Variants in B3GALT1 observed in about 807,000 individuals in gnomAD.
B3GALT1 encodes the protein UDP-Gal:betaGlcNAc beta 1,3-galactosyltransferase, polypeptide 1.
Under a neutral mutation model 23.2 loss-of-function variants are expected in B3GALT1, and 10 were observed. The ratio of observed to expected loss-of-function variants is 0.43; its 90% CI spans 0.27 to 0.73. The LOEUF (loss-of-function observed/expected upper bound fraction) is 0.73, where lower values mean the gene tolerates loss of function less well. Ranked by LOEUF, B3GALT1 falls within the 30% of genes least tolerant of loss-of-function variation. The probability of loss-of-function intolerance (pLI) is 0.21; values close to 1 mark genes in which losing one functional copy is unlikely to be tolerated. For synonymous variants in B3GALT1, 156 were observed against 141.5 expected (o/e 1.10, Z -0.73); for missense variants, 299 against 405.4 (o/e 0.74, Z 2.25).
intron 3 of B3GALT1, among the ~76,000 whole-genome samples, chr2:167,670,673 T>C (rs1686308850): frequency 6.6e-6 from 1 of 151,994 alleles, no homozygotes; most frequent in African/African-American, 2.4e-5. Flanking sequence ...GAAAACAGTA[T>C]ACAAATAAAA....
chr2:167,356,411 A>G (rs546745305), intron 1 of B3GALT1, among the ~76,000 whole-genome samples: 49 of 152,332 alleles, frequency 3.2e-4, no homozygotes, highest in African/African-American at 1.0e-3. Context: ...AAACTGTAGC[A>G]TAAAGCATGC....
intron 2 of B3GALT1, among the ~76,000 whole-genome samples, chr2:167,638,095 G>A (rs1574183210): frequency 6.6e-6 from 1 of 151,942 alleles, no homozygotes; most frequent in African/African-American, 2.4e-5. Context: ...CCAATAAGTG[G>A]CATATTTGAA....
intron 3 of B3GALT1, among the ~76,000 whole-genome samples, chr2:167,673,653 T>C (rs1005440714): frequency 7.9e-5 from 12 of 151,970 alleles, no homozygotes; most frequent in African/African-American, 2.9e-4. Flanking sequence ...AATCCTTATA[T>C]TGAGAACCCA....
At chr2:167,407,919 A>G (rs923495904) in intron 1 of B3GALT1, among the ~76,000 whole-genome samples, 4 of 152,052 alleles carry the variant, frequency 2.6e-5, no homozygotes, top group African/African-American at 4.8e-5. Context: ...ACTAATGCCA[A>G]TCCTACTCAA....
chr2:167,836,278 A>C (rs1219802709), intron 4 of B3GALT1, among the ~76,000 whole-genome samples: 2 of 152,168 alleles, frequency 1.3e-5, no homozygotes, highest in Non-Finnish European at 2.9e-5. Flanking sequence ...AAAAACTTTG[A>C]AAAAAATTTA....
chr2:167,416,662 T>A (rs1698475822), intron 1 of B3GALT1, among the ~76,000 whole-genome samples: 1 of 152,140 alleles, frequency 6.6e-6, no homozygotes, highest in Non-Finnish European at 1.5e-5. Flanking sequence ...AACATCTGCC[T>A]GGGAAAGCTT....
intron 2 of B3GALT1, among the ~76,000 whole-genome samples, chr2:167,582,704 G>A (rs1400716635): frequency 6.6e-6 from 1 of 152,148 alleles, no homozygotes; most frequent in East Asian, 1.9e-4. Context: ...GCCCCTTGCT[G>A]GTCCCTGAGT....
rs538535798 is a variant in B3GALT1, at chr2:167,723,492, A to G, written c.-352+76526A>G. On this transcript the variant is annotated intron_variant, in intron 3 of 4. Coordinates refer to ENST00000392690, the MANE Select transcript of B3GALT1 (RefSeq NM_020981.4). ...TAATTCATTTAAATATTTTATTTGA[A>G]CATATTACCATTCTCAATTTATTTT... 4.6e-5 allele frequency among the ~76,000 whole-genome samples: 7 copies of G among 152,112 alleles called. No individual in the cohort carries two copies. The South Asian group carries it at 1.2e-3, about 27-fold the overall frequency.
intron 2 of B3GALT1, among the ~76,000 whole-genome samples, chr2:167,538,066 A>C (rs1268379797): frequency 6.6e-6 from 1 of 151,930 alleles, no homozygotes; most frequent in Non-Finnish European, 1.5e-5. Context: ...CAGGTGATCC[A>C]CCCACTTTGG....
At chr2:167,705,042 C>A (rs1235435184) in intron 3 of B3GALT1, among the ~76,000 whole-genome samples, 1 of 152,164 alleles carries the variant, frequency 6.6e-6, no homozygotes, top group African/African-American at 2.4e-5. Context: ...AGCGTGCTAT[C>A]CCACTCTTGT....
At chr2:167,463,111 G>A (rs1699289040) in intron 1 of B3GALT1, among the ~76,000 whole-genome samples, 1 of 151,680 alleles carries the variant, frequency 6.6e-6, no homozygotes, top group African/African-American at 2.4e-5. Flanking sequence ...TTCCTAATGA[G>A]TTGTCCTGGT....
chr2:167,294,319 T>G (rs1696312505), intron 1 of B3GALT1, among the ~76,000 whole-genome samples: 1 of 152,248 alleles, frequency 6.6e-6, no homozygotes, highest in Non-Finnish European at 1.5e-5. Context: ...CTAGGACACG[T>G]TAACCACGCA....
chr2:167,619,815 G>A (rs955644572), intron 2 of B3GALT1, among the ~76,000 whole-genome samples: 1 of 152,092 alleles, frequency 6.6e-6, no homozygotes, highest in Non-Finnish European at 1.5e-5. Flanking sequence ...CATTTAGTCA[G>A]TCAGCTAATA....
intron 2 of B3GALT1, among the ~76,000 whole-genome samples, chr2:167,536,956 A>G (rs1398290602): frequency 6.6e-6 from 1 of 152,126 alleles, no homozygotes; most frequent in Non-Finnish European, 1.5e-5. Flanking sequence ...TTCTTGCCCA[A>G]CATGGGTTTC....
chr2:167,374,735 G>T (rs1642623284), intron 1 of B3GALT1, among the ~76,000 whole-genome samples: 1 of 152,058 alleles, frequency 6.6e-6, no homozygotes, highest in Admixed American at 6.6e-5. Flanking sequence ...GTTTGTTATA[G>T]ATCTTAGAAC....
intron 2 of B3GALT1, among the ~76,000 whole-genome samples, chr2:167,589,915 T>C (rs1319899126): frequency 3.9e-5 from 6 of 152,174 alleles, no homozygotes; most frequent in African/African-American, 1.4e-4. Flanking sequence ...TAGAGGGCTT[T>C]CAGGTACACA....
intron 2 of B3GALT1, among the ~76,000 whole-genome samples, chr2:167,638,315 A>G (rs1249088718): frequency 6.6e-6 from 1 of 152,094 alleles, no homozygotes; most frequent in African/African-American, 2.4e-5. Flanking sequence ...TAGCATTGGC[A>G]TGGCAGTCAT....
chr2:167,629,837 G>T (rs994564511), intron 2 of B3GALT1, among the ~76,000 whole-genome samples: 1 of 151,734 alleles, frequency 6.6e-6, no homozygotes. Context: ...CCTGTGAGAA[G>T]CCAGCTGACC....
At chr2:167,369,881 T>G (rs1010647821) in intron 1 of B3GALT1, among the ~76,000 whole-genome samples, 6 of 152,126 alleles carry the variant, frequency 3.9e-5, no homozygotes, top group African/African-American at 1.2e-4. Flanking sequence ...AAAATATTCT[T>G]CATGGCACTT....
Sources: allele counts gnomAD v4.1 joint callset (sites outside exome capture counted in the v4.1 genomes callset), GRCh38; gene constraint gnomAD v4.1.1; transcripts MANE v1.5; gene names NCBI Gene and HGNC (gene_info 2026-07-23, HGNC 2026-07-21).